Variants in SUGCT observed in about 807,000 individuals in gnomAD.
SUGCT encodes succinyl-CoA:glutarate-CoA transferase, also known as succinyl-CoA:glutarate CoA-transferase.
Under a neutral mutation model 55.0 loss-of-function variants are expected in SUGCT, and 41 were observed. The observed-to-expected ratio is 0.74, with a 90% CI of 0.58 to 0.97. The LOEUF is 0.97. SUGCT is among the 50% of genes least tolerant of loss of function. SUGCT has a pLI of 0.00. For synonymous variants in SUGCT, 187 were observed against 200.4 expected (o/e 0.93, Z 0.56); for missense variants, 568 against 547.8 (o/e 1.04, Z -0.37).
chr7:40,350,326 T>G (rs1022353899), intron 9 of SUGCT, among the ~76,000 whole-genome samples: 1 of 138,406 alleles, frequency 7.2e-6, no homozygotes, highest in African/African-American at 2.6e-5. Flanking sequence ...ATTTATTTAT[T>G]TATTTTTAAG....
intron 11 of SUGCT, among the ~76,000 whole-genome samples, chr7:40,477,132 T>C (rs1487338672): frequency 6.6e-6 from 1 of 152,214 alleles, no homozygotes; most frequent in Non-Finnish European, 1.5e-5. Flanking sequence ...ATGCTATATG[T>C]ATAGGAAAGA....
the SUGCT span, among the ~76,000 whole-genome samples, chr7:40,953,827 G>A: frequency 6.6e-6 from 1 of 152,210 alleles, no homozygotes; most frequent in Non-Finnish European, 1.5e-5. Flanking sequence ...TGTCTCAGAG[G>A]GGTACCCGGC....
chr7:40,365,549 A>G (rs970838150), intron 9 of SUGCT, among the ~76,000 whole-genome samples: 19 of 152,176 alleles, frequency 1.2e-4, no homozygotes, highest in African/African-American at 3.9e-4. Context: ...TAAGCTGATA[A>G]GCAACTTCAG....
At chr7:40,837,754 C>T (rs775894488) in intron 13 of SUGCT, among the ~76,000 whole-genome samples, 17 of 152,068 alleles carry the variant, frequency 1.1e-4, no homozygotes, top group Non-Finnish European at 2.2e-4. Flanking sequence ...GCTGAAATTA[C>T]AGGCACCCAC....
the SUGCT span, among the ~76,000 whole-genome samples, chr7:40,950,829 C>T: frequency 1.3e-5 from 2 of 152,096 alleles, no homozygotes; most frequent in East Asian, 3.9e-4. Context: ...GGTGGATAAG[C>T]TTTTTGATGT....
intron 13 of SUGCT, among the ~76,000 whole-genome samples, chr7:40,796,905 C>T (rs1380626133): frequency 2.0e-5 from 3 of 152,112 alleles, no homozygotes; most frequent in Non-Finnish European, 2.9e-5. Flanking sequence ...AAGGTCAGCC[C>T]GAGATGAGAC....
intron 12 of SUGCT, among the ~76,000 whole-genome samples, chr7:40,565,626 C>T (rs920891827): frequency 1.3e-5 from 2 of 152,092 alleles, no homozygotes; most frequent in East Asian, 3.9e-4. Context: ...TGCTCAAATC[C>T]TCCGATGTCT....
intron 9 of SUGCT, among the ~76,000 whole-genome samples, chr7:40,436,510 C>T (rs1788186321): frequency 6.6e-6 from 1 of 152,104 alleles, no homozygotes; most frequent in Non-Finnish European, 1.5e-5. Context: ...ACTATAGTTA[C>T]TATTTTTTTC....
At chr7:40,176,293 C>A (rs941195894) in intron 1 of SUGCT, among the ~76,000 whole-genome samples, 2 of 152,014 alleles carry the variant, frequency 1.3e-5, no homozygotes, top group Admixed American at 1.3e-4. Context: ...AACTGTAATT[C>A]CTCTGTGGTG....
At chr7:40,691,844 A>C (rs1338922949) in intron 12 of SUGCT, among the ~76,000 whole-genome samples, 1 of 152,166 alleles carries the variant, frequency 6.6e-6, no homozygotes, top group African/African-American at 2.4e-5. Flanking sequence ...GGAAGGAGGA[A>C]TATAAAGAGA....
intron 8 of SUGCT, among the ~76,000 whole-genome samples, chr7:40,296,612 CG>C (rs1318354998): frequency 1.4e-5 from 2 of 144,726 alleles, no homozygotes; most frequent in Admixed American, 1.4e-4. Flanking sequence ...GTGAGTGACT[CG>C]TGTGTGTGTG....
At chr7:40,446,395 A>G (rs935039545) in intron 9 of SUGCT, among the ~76,000 whole-genome samples, 2 of 152,134 alleles carry the variant, frequency 1.3e-5, no homozygotes, top group African/African-American at 4.8e-5. Context: ...CACAGTTGTC[A>G]ATGGTTCCTT....
chr7:40,331,890 A>G lies in SUGCT; in HGVS notation c.816+15035A>G, dbSNP rs146647164. ...GGTGATCAAGCTCAGTAGAATTGTTAGCACCGTTAGTGTTGTTAGTATAGC... is the reference window on the plus strand; with the variant it reads ...GGTGATCAAGCTCAGTAGAATTGTTGGCACCGTTAGTGTTGTTAGTATAGC... On this transcript the variant is annotated intron_variant, in intron 9 of 13. Transcript: ENST00000335693. Among the ~76,000 whole-genome samples, 446 of 152,328 alleles carry G rather than the reference A, an allele frequency of 2.9e-3. 2 individuals carry two copies. Among genetic ancestry groups the G allele is most frequent in the African/African-American group, 9.8e-3 (406 of 41,570 alleles).
the SUGCT span, among the ~76,000 whole-genome samples, chr7:40,975,168 A>G: frequency 6.6e-6 from 1 of 152,146 alleles, no homozygotes; most frequent in Non-Finnish European, 1.5e-5. Context: ...TTCATTACCC[A>G]TGGTTTTGTA....
At chr7:40,904,681 G>A in the SUGCT span, among the ~76,000 whole-genome samples, 15 of 152,226 alleles carry the variant, frequency 9.9e-5, no homozygotes, top group Admixed American at 4.6e-4. Flanking sequence ...TGGTTGAGAT[G>A]ATACATGTTA....
At chr7:40,553,837 A>T (rs540454517) in intron 12 of SUGCT, among the ~76,000 whole-genome samples, 207 of 152,324 alleles carry the variant, frequency 1.4e-3, no homozygotes, top group African/African-American at 4.8e-3. Flanking sequence ...CCTATATCAG[A>T]TAGTGGGGCA....
At chr7:40,286,485 A>G (rs536028488) in intron 8 of SUGCT, among the ~76,000 whole-genome samples, 1 of 152,288 alleles carries the variant, frequency 6.6e-6, no homozygotes, top group South Asian at 2.1e-4. Flanking sequence ...CTTACCATGT[A>G]AGGTGGCATA....
intron 12 of SUGCT, among the ~76,000 whole-genome samples, chr7:40,590,276 G>C (rs1442301751): frequency 1.3e-5 from 2 of 152,074 alleles, no homozygotes. Flanking sequence ...TTAATATTTG[G>C]TTAATTAATA....
chr7:40,474,513 ACT>A (rs1790556409), intron 11 of SUGCT, among the ~76,000 whole-genome samples: 1 of 152,064 alleles, frequency 6.6e-6, no homozygotes, highest in African/African-American at 2.4e-5. Context: ...CATCCAGCAC[ACT>A]CGCATAGTTT....
Sources: allele counts gnomAD v4.1 joint callset (sites outside exome capture counted in the v4.1 genomes callset), GRCh38; gene constraint gnomAD v4.1.1; transcripts MANE v1.5; gene names NCBI Gene and HGNC (gene_info 2026-07-23, HGNC 2026-07-21).